Variants in KDM4C observed in about 807,000 individuals in gnomAD.
KDM4C encodes the protein lysine-specific demethylase 4C.
In KDM4C, 81 loss-of-function variants were observed where a neutral mutation model predicts 129.3. That is an observed-to-expected ratio of 0.63 (90% CI 0.52 to 0.75). KDM4C has a LOEUF of 0.75. Among genes scored for constraint, KDM4C ranks in the 30% least tolerant of loss-of-function variants. The pLI is 0.00. For synonymous variants in KDM4C, 573 were observed against 456.1 expected (o/e 1.26, Z -3.26); for missense variants, 1,457 against 1,304.0 (o/e 1.12, Z -1.81).
chr9:6,867,933 T>C (rs1010504342), intron 5 of KDM4C, among the ~76,000 whole-genome samples: 2 of 152,178 alleles, frequency 1.3e-5, no homozygotes, highest in Admixed American at 6.5e-5. Flanking sequence ...CACAGAACCC[T>C]TATGTATCAA....
At chr9:6,964,243 C>T (rs147439979) in intron 8 of KDM4C, among the ~76,000 whole-genome samples, 131 of 146,890 alleles carry the variant, frequency 8.9e-4, no homozygotes, top group African/African-American at 3.2e-3. Context: ...TCCCCCCTCC[C>T]CTGACCCCCC....
chr9:7,033,421 C>G (rs1480139633), intron 15 of KDM4C, among the ~76,000 whole-genome samples: 1 of 152,194 alleles, frequency 6.6e-6, no homozygotes, highest in Non-Finnish European at 1.5e-5. Context: ...CACCTCTTGC[C>G]TCCTGAGGTG....
At chr9:7,045,855 G>A (rs1019698145) in intron 15 of KDM4C, among the ~76,000 whole-genome samples, 1 of 151,940 alleles carries the variant, frequency 6.6e-6, no homozygotes, top group Non-Finnish European at 1.5e-5. Context: ...AAAAGTAAAA[G>A]CTATGAAGTT....
chr9:6,726,189 G>T (rs573721225), intron 1 of KDM4C, among the ~76,000 whole-genome samples: 1 of 152,154 alleles, frequency 6.6e-6, no homozygotes, highest in South Asian at 2.1e-4. Flanking sequence ...CTCCCAAAGT[G>T]CTGGGATTAC....
chr9:7,061,316 A>G (rs1831636919), intron 17 of KDM4C, among the ~76,000 whole-genome samples: 1 of 152,166 alleles, frequency 6.6e-6, no homozygotes, highest in South Asian at 2.1e-4. Context: ...ATGCATATCA[A>G]TTTCATGTCC....
chr9:6,776,403 G>A (rs1210635413), intron 1 of KDM4C, among the ~76,000 whole-genome samples: 2 of 151,948 alleles, frequency 1.3e-5, no homozygotes, highest in African/African-American at 2.4e-5. Context: ...CTGGGAATAC[G>A]GGCCAATGCC....
At chr9:7,068,598 T>C (rs1770869136) in intron 17 of KDM4C, among the ~76,000 whole-genome samples, 1 of 152,062 alleles carries the variant, frequency 6.6e-6, no homozygotes, top group Non-Finnish European at 1.5e-5. Context: ...AGTTCCATGT[T>C]GTGTTCTTTT....
chr9:7,138,542 C>T (rs1034615248), intron 19 of KDM4C, among the ~76,000 whole-genome samples: 2 of 152,128 alleles, frequency 1.3e-5, no homozygotes, highest in African/African-American at 2.4e-5. Flanking sequence ...GGGCCAGGCA[C>T]GGTGGCTCAC....
chr9:7,088,522 G>A (rs10815513), intron 17 of KDM4C, among the ~76,000 whole-genome samples: 29,392 of 152,122 alleles, frequency 0.19, 3,034 homozygotes, highest in East Asian at 0.38. Context: ...AGTAGTCCAT[G>A]ATTTGTAGCC....
intron 12 of KDM4C, among the ~76,000 whole-genome samples, chr9:7,001,929 G>C (rs1272554429): frequency 6.6e-6 from 1 of 152,142 alleles, no homozygotes; most frequent in African/African-American, 2.4e-5. Flanking sequence ...GTCTTACTCT[G>C]TTGCCTACAC....
chr9:7,050,237 A>G (rs912752735), intron 17 of KDM4C, among the ~76,000 whole-genome samples: 4 of 151,340 alleles, frequency 2.6e-5, no homozygotes, highest in African/African-American at 9.7e-5. Context: ...CATGGAACTG[A>G]TGATTACTGT....
At chr9:6,985,732 C>A (rs1236849808) in intron 10 of KDM4C, among the ~76,000 whole-genome samples, 2 of 152,044 alleles carry the variant, frequency 1.3e-5, no homozygotes, top group South Asian at 4.2e-4. Flanking sequence ...TCTCTGTCGC[C>A]CAGGCTGGAG....
intron 18 of KDM4C, among the ~76,000 whole-genome samples, chr9:7,120,047 A>T (rs1432697494): frequency 2.6e-5 from 4 of 151,902 alleles, no homozygotes; most frequent in Non-Finnish European, 5.9e-5. Context: ...CTTTTTTTAA[A>T]CCCCATCCCA....
In KDM4C at chr9:6,990,424, G is replaced by A; in HGVS notation, c.1686G>A (p.Glu562=). 6.2e-7 allele frequency: 1 copy of A among 1,609,624 alleles called. No individual in the cohort carries two copies. The part of the protein sequence containing the change: ...RNSFKVPSIA[E]GENKTSKSWR... ...TTTTGTTCTATAACTAGATAGCAGA[G>A]GGAGAGAACAAAACCTCTAAGAGTT... The change falls in exon 12 of 22, where the codon GAG becomes GAA. Residue 562 remains glutamate (E), a synonymous_variant. Coordinates refer to ENST00000381309, the MANE Select transcript of KDM4C (RefSeq NM_015061.6).
At chr9:6,977,345 A>G (rs186376896) in intron 8 of KDM4C, among the ~76,000 whole-genome samples, 1 of 152,288 alleles carries the variant, frequency 6.6e-6, no homozygotes, top group East Asian at 1.9e-4. Flanking sequence ...ATAATATGAT[A>G]TGTTCGAAAT....
At chr9:7,060,119 TGTAACTTATCAG>T (rs1831412007) in intron 17 of KDM4C, among the ~76,000 whole-genome samples, 1 of 152,110 alleles carries the variant, frequency 6.6e-6, no homozygotes, top group African/African-American at 2.4e-5. Flanking sequence ...TATGATATCC[TGTAACTTATCAG>T]GTGGAAGGGA....
intron 5 of KDM4C, among the ~76,000 whole-genome samples, chr9:6,866,505 C>T (rs1842008675): frequency 6.6e-6 from 1 of 152,120 alleles, no homozygotes; most frequent in South Asian, 2.1e-4. Flanking sequence ...TCTGATTTGG[C>T]ATCTCCGTTG....
intron 1 of KDM4C, among the ~76,000 whole-genome samples, chr9:6,769,096 G>A (rs1042248146): frequency 6.6e-6 from 1 of 151,964 alleles, no homozygotes; most frequent in Non-Finnish European, 1.5e-5. Flanking sequence ...TTTTAAAAAA[G>A]GAAATTTTCA....
intron 8 of KDM4C, among the ~76,000 whole-genome samples, chr9:6,919,094 A>C (rs934445713): frequency 1.3e-5 from 2 of 152,024 alleles, no homozygotes; most frequent in African/African-American, 4.8e-5. Context: ...CTTGTGATCC[A>C]CCTGCCTTGG....
Sources: gnomAD v4.1 joint callset for allele counts (sites outside exome capture counted in the v4.1 genomes callset) on GRCh38, gnomAD v4.1.1 for gene constraint, MANE v1.5 for transcripts, NCBI Gene and HGNC (gene_info 2026-07-23, HGNC 2026-07-21) for gene names.